Variants in MOB3B observed in about 807,000 individuals in gnomAD.
MOB3B encodes MOB kinase activator 3B, also known as MOB kinase activator-like 2B.
Under a neutral mutation model 18.7 loss-of-function variants are expected in MOB3B, and 7 were observed. The ratio of observed to expected loss-of-function variants is 0.37; its 90% CI spans 0.21 to 0.70. The LOEUF (loss-of-function observed/expected upper bound fraction) is 0.70. Ranked by LOEUF, MOB3B falls within the 30% of genes least tolerant of loss-of-function variation. The pLI is 0.52. For synonymous variants in MOB3B, 111 were observed against 99.9 expected (o/e 1.11, Z -0.66); for missense variants, 253 against 281.3 (o/e 0.90, Z 0.72).
chr9:27,445,567 T>C (rs1191512575), intron 2 of MOB3B, among the ~76,000 whole-genome samples: 1 of 152,214 alleles, frequency 6.6e-6, no homozygotes, highest in Non-Finnish European at 1.5e-5. Flanking sequence ...TGCCCCTGGC[T>C]GCAGGCTTTT....
intron 2 of MOB3B, among the ~76,000 whole-genome samples, chr9:27,390,393 G>T (rs1821710862): frequency 6.6e-6 from 1 of 152,210 alleles, no homozygotes; most frequent in Admixed American, 6.5e-5. Flanking sequence ...GTAGAGACGG[G>T]GTTTTGCCAT....
intron 2 of MOB3B, among the ~76,000 whole-genome samples, chr9:27,373,276 T>G (rs1265431428): frequency 2.6e-5 from 4 of 152,244 alleles, no homozygotes; most frequent in African/African-American, 9.6e-5. Flanking sequence ...GCCCTGTCTC[T>G]GACATGTGAT....
intron 2 of MOB3B, among the ~76,000 whole-genome samples, chr9:27,380,240 C>CA (rs1821556037): frequency 6.6e-6 from 1 of 150,874 alleles, no homozygotes; most frequent in Non-Finnish European, 1.5e-5. Context: ...GGGGAGGGGC[C>CA]AAGTGCAGAA....
At position 27,470,565 on chromosome 9, in the gene MOB3B, T is replaced by C. The variant is rs75472314; in HGVS notation, c.-198-14817A>G. On this transcript the variant is annotated intron_variant, in intron 1 of 3. Transcript: ENST00000262244. ...CTCCTTTGCTCCAAAGCTCTGAATCTGTAGCCCTTCCTTTGTATCTAAACA... is the reference window on the plus strand; with the variant it reads ...CTCCTTTGCTCCAAAGCTCTGAATCCGTAGCCCTTCCTTTGTATCTAAACA... 9.4e-3 allele frequency among the ~76,000 whole-genome samples: 1,425 copies of C among 152,344 alleles called. 28 individuals carry two copies. Among genetic ancestry groups the C allele is most frequent in the African/African-American group, 0.033 (1,354 of 41,572 alleles).
In MOB3B at chr9:27,329,735, CTTAGTTAT is replaced by C. The variant is rs1363622054; in HGVS notation, c.*844_*851del. On this transcript the variant is annotated 3_prime_UTR_variant, in exon 4 of 4. Transcript: ENST00000262244. ...ATGCCCAACGCTCCCGCTGATCATT[CTTAGTTAT>C]TTAGGACTTTTATTTCTCTCTTCTG... The C allele has an allele frequency of 6.6e-6, 1 of 152,622 alleles. No individual in the cohort carries two copies. Among genetic ancestry groups the C allele is most frequent in the African/African-American group, 2.4e-5 (1 of 41,438 alleles). 9.5% of individuals were successfully genotyped at this position (152,622 alleles called of 1,614,324 possible). A position where few individuals can be genotyped will look rare whatever the true frequency, so the allele number is the denominator to read the frequency against.
chr9:27,348,561 G>C (rs1821062554), intron 3 of MOB3B, among the ~76,000 whole-genome samples: 1 of 152,018 alleles, frequency 6.6e-6, no homozygotes. Flanking sequence ...GCTGAGGCAG[G>C]AGAATCGCTT....
chr9:27,525,025 C>A, intron 1 of MOB3B: 3 of 1,307,300 alleles, frequency 2.3e-6, no homozygotes, highest in Non-Finnish European at 3.1e-6. Context: ...CCTCCTCCAA[C>A]TTCTTTTTAA....
At chr9:27,336,597 A>G (rs1003252053) in intron 3 of MOB3B, among the ~76,000 whole-genome samples, 1 of 152,094 alleles carries the variant, frequency 6.6e-6, no homozygotes, top group Non-Finnish European at 1.5e-5. Context: ...TAAACAGCCA[A>G]CGGGTTAAAG....
At chr9:27,471,922 C>T (rs572547992) in intron 1 of MOB3B, among the ~76,000 whole-genome samples, 17 of 152,246 alleles carry the variant, frequency 1.1e-4, no homozygotes, top group Middle Eastern at 6.8e-3. Context: ...AGGTTAGCAG[C>T]GGGTCTGGCA....
chr9:27,351,110 C>G (rs936686964), intron 3 of MOB3B, among the ~76,000 whole-genome samples: 3 of 152,006 alleles, frequency 2.0e-5, no homozygotes, highest in Non-Finnish European at 4.4e-5. Context: ...ACCATTTTGG[C>G]CAGGCTGGTC....
intron 1 of MOB3B, among the ~76,000 whole-genome samples, chr9:27,517,830 CAAGT>C (rs1820261518): frequency 1.3e-5 from 2 of 151,896 alleles, no homozygotes; most frequent in Admixed American, 6.6e-5. Flanking sequence ...AGAAAACAAA[CAAGT>C]AAGTGAGTAT....
chr9:27,489,705 C>T (rs1392237226), intron 1 of MOB3B, among the ~76,000 whole-genome samples: 3 of 141,546 alleles, frequency 2.1e-5, no homozygotes, highest in African/African-American at 7.6e-5. Context: ...GAAACAGGCC[C>T]CTAGAGGGAA....
intron 2 of MOB3B, among the ~76,000 whole-genome samples, chr9:27,415,902 G>T (rs1464963739): frequency 1.3e-5 from 2 of 152,104 alleles, no homozygotes; most frequent in African/African-American, 2.4e-5. Flanking sequence ...TTCAATATGG[G>T]GTTTCGTGCG....
intron 2 of MOB3B, among the ~76,000 whole-genome samples, chr9:27,430,060 C>T (rs987486389): frequency 1.3e-5 from 2 of 152,196 alleles, no homozygotes; most frequent in South Asian, 4.1e-4. Flanking sequence ...CTAAGGGCTT[C>T]CCAGAGCTGT....
At position 27,325,887 on chromosome 9, in the gene MOB3B, A is replaced by G. The variant is rs1209627110; in HGVS notation, c.*4700T>C. Reference sequence around the variant, plus strand: ...AGGAAGCAATTTGCTTCCATCAATAACCAGAATGATGGATTGACATAAATC... The same window carrying G: ...AGGAAGCAATTTGCTTCCATCAATAGCCAGAATGATGGATTGACATAAATC... On this transcript the variant is annotated 3_prime_UTR_variant, in exon 4 of 4. Transcript: ENST00000262244. 1.3e-5 allele frequency: 2 copies of G among 152,038 alleles called. No individual in the cohort carries two copies. Among genetic ancestry groups the G allele is most frequent in the African/African-American group, 4.8e-5 (2 of 41,412 alleles). The allele number at this position is 152,038 out of a possible 1,614,324, so 9.4% of individuals were successfully genotyped here.
intron 2 of MOB3B, among the ~76,000 whole-genome samples, chr9:27,416,590 T>A (rs1822153039): frequency 6.9e-6 from 1 of 144,466 alleles, no homozygotes; most frequent in Non-Finnish European, 1.5e-5. Flanking sequence ...TCTTGCTCTG[T>A]CATCTAGTCT....
chr9:27,394,891 A>T lies in MOB3B; in HGVS notation c.419-35655T>A, dbSNP rs114340590. 1.6e-3 allele frequency among the ~76,000 whole-genome samples: 239 copies of T among 152,334 alleles called. 1 individual carries two copies. Among genetic ancestry groups the T allele is most frequent in the African/African-American group, 5.4e-3 (225 of 41,570 alleles). ...TTGATGCCCACTGTATATTTCATGT[A>T]TTGAGAGTCATGCTTTGACAGTGAG... is the stretch of plus-strand genomic sequence containing the variant. On this transcript the variant is annotated intron_variant, in intron 2 of 3. Coordinates refer to ENST00000262244, the MANE Select transcript of MOB3B (RefSeq NM_024761.5).
In MOB3B at chr9:27,455,485, T is replaced by C. The variant is rs1563873063; in HGVS notation, c.66A>G (p.Glu22=). Residue 22 remains glutamate, a synonymous_variant, in exon 2 of 4, where the codon GAA becomes GAG. Transcript: ENST00000262244. ...GCAGCTCAAACCTCTGTGTGCCAGG[T>C]TCAAATTTCCTCTTGGGTCGGAAGG... ...DKTFRPKRKF[E]PGTQRFELHK... 1 of 1,614,180 alleles carries C rather than the reference T, an allele frequency of 6.2e-7. No homozygotes were observed. Among genetic ancestry groups the C allele is most frequent in the Admixed American group, 1.7e-5 (1 of 60,020 alleles).
chr9:27,369,935 CCTTTTTT>C (rs1295181174), intron 2 of MOB3B, among the ~76,000 whole-genome samples: 4 of 98,744 alleles, frequency 4.1e-5, no homozygotes, highest in African/African-American at 1.7e-4. Flanking sequence ...TTTTAATTGT[CCTTTTTT>C]TTTTTTTTTT....
Sources: gnomAD v4.1 joint callset for allele counts (sites outside exome capture counted in the v4.1 genomes callset) on GRCh38, gnomAD v4.1.1 for gene constraint, MANE v1.5 for transcripts, NCBI Gene and HGNC (gene_info 2026-07-23, HGNC 2026-07-21) for gene names.